Variants in GPCPD1 observed in about 807,000 individuals in gnomAD.
GPCPD1 encodes glycerophosphocholine phosphodiesterase GPCPD1.
In GPCPD1, 29 loss-of-function variants were observed where a neutral mutation model predicts 89.2. The ratio of observed to expected loss-of-function variants is 0.33; its 90% CI spans 0.24 to 0.44. The LOEUF is 0.44. Among genes scored for constraint, GPCPD1 ranks in the 20% least tolerant of loss-of-function variants. The pLI is 1.00. For missense variants in GPCPD1, 594 were observed against 808.9 expected (o/e 0.73, Z 3.22); for synonymous variants, 258 against 266.3 (o/e 0.97, Z 0.30).
At chr20:5,597,475 T>C (rs1042790206) in intron 3 of GPCPD1, among the ~76,000 whole-genome samples, 4 of 152,206 alleles carry the variant, frequency 2.6e-5, no homozygotes, top group African/African-American at 9.7e-5. Context: ...TTCTAAATGC[T>C]TGCTCTCAGT....
intron 19 of GPCPD1, among the ~76,000 whole-genome samples, chr20:5,556,208 T>A (rs1192502834): frequency 6.6e-6 from 1 of 152,182 alleles, no homozygotes; most frequent in Non-Finnish European, 1.5e-5. Context: ...CAATGTAGTA[T>A]AAACATAACT....
intron 14 of GPCPD1, among the ~76,000 whole-genome samples, chr20:5,565,869 GAATT>G (rs2122608280): frequency 6.6e-6 from 1 of 152,170 alleles, no homozygotes; most frequent in South Asian, 2.1e-4. Flanking sequence ...CTAAAAAAAA[GAATT>G]ATTTTCCAAA....
intron 4 of GPCPD1, among the ~76,000 whole-genome samples, chr20:5,587,239 C>T (rs909706132): frequency 7.2e-5 from 11 of 152,110 alleles, no homozygotes; most frequent in African/African-American, 2.7e-4. Flanking sequence ...TTATTTGTTA[C>T]ATAAATGTAA....
At chr20:5,568,560 G>A (rs1986530308) in intron 12 of GPCPD1, among the ~76,000 whole-genome samples, 1 of 152,058 alleles carries the variant, frequency 6.6e-6, no homozygotes, top group African/African-American at 2.4e-5. Flanking sequence ...GATATAGCCT[G>A]GTGAAAATGG....
intron 4 of GPCPD1, among the ~76,000 whole-genome samples, chr20:5,592,377 T>C (rs1424475730): frequency 1.3e-5 from 2 of 152,240 alleles, no homozygotes; most frequent in South Asian, 2.1e-4. Flanking sequence ...AACCACAATG[T>C]AATTTAAGTT....
At chr20:5,607,821 TAAAA>T (rs11478411) in intron 1 of GPCPD1, among the ~76,000 whole-genome samples, 1 of 112,952 alleles carries the variant, frequency 8.9e-6, no homozygotes, top group Admixed American at 9.1e-5. Flanking sequence ...CTGTCTCAAA[TAAAA>T]AAAAAAAAAA....
At chr20:5,606,623 T>C (rs1034140398) in intron 1 of GPCPD1, among the ~76,000 whole-genome samples, 8 of 152,264 alleles carry the variant, frequency 5.3e-5, no homozygotes, top group Non-Finnish European at 1.0e-4. Context: ...CATTTTTGGT[T>C]GTCACAACTG....
chr20:5,561,564 G>T, intron 15 of GPCPD1, 34 bp from the exon 16 acceptor site: 2 of 1,076,526 alleles, frequency 1.9e-6, no homozygotes, highest in Non-Finnish European at 1.4e-6. Flanking sequence ...TTTTGTTTTT[G>T]ATGAGATGGA....
At chr20:5,584,170 T>C (rs1332604615) in intron 6 of GPCPD1, 111 bp downstream of exon 6, 11 of 579,690 alleles carry the variant, frequency 1.9e-5, no homozygotes, top group Non-Finnish European at 2.5e-5. Flanking sequence ...AATATCGTTA[T>C]GCAGCACATG....
intron 2 of GPCPD1, among the ~76,000 whole-genome samples, chr20:5,603,495 C>T (rs1162102331): frequency 2.0e-5 from 3 of 151,710 alleles, no homozygotes; most frequent in Admixed American, 6.6e-5. Context: ...TTGAGAACGT[C>T]CTAAAAGAGG....
chr20:5,578,292 AT>A (rs1276918240), intron 8 of GPCPD1, 87 bp downstream of exon 8: 1 of 851,212 alleles, frequency 1.2e-6, no homozygotes, highest in African/African-American at 1.7e-5. Context: ...CTTTACACAA[AT>A]TAGATTAAAA....
At chr20:5,581,995 T>C (rs1220419123) in intron 6 of GPCPD1, among the ~76,000 whole-genome samples, 1 of 148,010 alleles carries the variant, frequency 6.8e-6, no homozygotes, top group African/African-American at 2.5e-5. Context: ...CCATCCTGGC[T>C]AACACGGTGA....
chr20:5,570,355 T>C lies in GPCPD1; in HGVS notation c.1057-116A>G, dbSNP rs1986641056. 8.0e-6 allele frequency: 3 copies of C among 376,744 alleles called. No individual in the cohort carries two copies. The South Asian group carries it at 1.6e-4, about 21-fold the overall frequency. 23.3% of individuals were successfully genotyped at this position (376,744 alleles called of 1,614,324 possible). A position where few individuals can be genotyped will look rare whatever the true frequency, so the allele number is the denominator to read the frequency against. The stretch of plus-strand genomic sequence containing the variant: ...AAATTACAGACCTGTACAAACTTTT[T>C]CTAAAAAGTAATGTATTCTCTTAAA... On this transcript the variant is annotated intron_variant, in intron 11 of 19. Transcript: ENST00000379019.
In GPCPD1 at chr20:5,578,542, T is replaced by G; in HGVS notation, c.543A>C (p.Lys181Asn). 1 of 1,613,730 alleles carries G rather than the reference T, an allele frequency of 6.2e-7. No individual in the cohort carries two copies. Among genetic ancestry groups the G allele is most frequent in the Non-Finnish European group, 8.5e-7 (1 of 1,179,622 alleles). The change falls in exon 8 of 20, where the codon AAA becomes AAC. Residue 181 changes from lysine (K) to asparagine (N), a missense_variant. Coordinates refer to ENST00000379019, the MANE Select transcript of GPCPD1 (RefSeq NM_019593.5). ...AGGATATCTCCAAGCTATTGGACAT[T>G]TTGTGGAGTACAGTGGGAGATACCC... Reference protein sequence around the residue: ...DDRVSPTVLHKMSNSLEISLI... With the variant: ...DDRVSPTVLHNMSNSLEISLI...
intron 11 of GPCPD1, among the ~76,000 whole-genome samples, chr20:5,572,326 T>A (rs73078117): frequency 0.094 from 14,361 of 152,192 alleles, 1,137 homozygotes; most frequent in African/African-American, 0.21. Context: ...AACAGAAAGA[T>A]AAAACAATCT....
At chr20:5,560,719 T>C (rs911744731) in intron 16 of GPCPD1, among the ~76,000 whole-genome samples, 5 of 152,182 alleles carry the variant, frequency 3.3e-5, no homozygotes, top group African/African-American at 1.2e-4. Context: ...AACAGCATAA[T>C]GAGGGCAATT....
chr20:5,562,743 T>G (rs1198692477), intron 15 of GPCPD1, among the ~76,000 whole-genome samples: 2 of 152,218 alleles, frequency 1.3e-5, no homozygotes, highest in Non-Finnish European at 2.9e-5. Context: ...GGGCCTACTC[T>G]TAACCAGCTG....
At position 5,609,727 on chromosome 20, in the gene GPCPD1, T is replaced by G. The variant is rs150157645; in HGVS notation, c.-29+1115A>C. 2.7e-3 allele frequency among the ~76,000 whole-genome samples: 413 copies of G among 152,288 alleles called. 3 individuals carry two copies. The highest frequency in any genetic ancestry group is 9.2e-3 in the African/African-American group (383 of 41,548). ...TTATTTTGCAGATTTAAATTTTGTC[T>G]AGAATACTGGTTTTCTCTAGCTCTT... On this transcript the variant is annotated intron_variant, in intron 1 of 19. Transcript: ENST00000379019.
Position 5,566,758 on chromosome 20 carries a change from A to T in GPCPD1, c.1242T>A (p.Thr414=), listed in dbSNP as rs1600732000. The T allele has an allele frequency of 1.9e-6, 3 of 1,586,546 alleles. No homozygotes were observed. The South Asian group carries it at 3.3e-5, about 18-fold the overall frequency. Residue 414 remains threonine (T), a synonymous_variant, in exon 14 of 20, where the codon ACT becomes ACA. Transcript: ENST00000379019. The part of the protein sequence containing the change: ...QLQLLKLTHV[T]ALKSKDRKES... ...CTTTCCGATCCTTAGATTTCAGTGC[A>T]GTCACATGAGTGAGCTAGAAAGCAC...
Sources: allele counts gnomAD v4.1 joint callset (sites outside exome capture counted in the v4.1 genomes callset), GRCh38; gene constraint gnomAD v4.1.1; transcripts MANE v1.5; gene names NCBI Gene and HGNC (gene_info 2026-07-23, HGNC 2026-07-21).